IKZF3: variants seen among roughly 807,000 people sequenced by gnomAD.
IKZF3 encodes IKAROS family zinc finger 3, also known as zinc finger protein Aiolos.
IKZF3 carries 10 observed loss-of-function variants against 49.0 expected under a neutral mutation model. That is an observed-to-expected ratio of 0.20 (90% CI 0.13 to 0.35). The LOEUF is 0.35. Ranked by LOEUF, IKZF3 falls within the 10% of genes least tolerant of loss-of-function variation. The pLI is 1.00. For missense variants in IKZF3, 498 were observed against 664.8 expected (o/e 0.75, Z 2.76); for synonymous variants, 209 against 228.2 (o/e 0.92, Z 0.76).
At chr17:39,832,040 C>T (rs8069893) in intron 2 of IKZF3, 58 bp downstream of exon 2, 46,252 of 1,271,892 alleles carry the variant, frequency 0.036, 1,259 homozygotes, top group African/African-American at 0.13. Context: ...ACATTCCTCT[C>T]TCTTTGGTAT....
At chr17:39,844,133 A>G (rs2062559943) in intron 1 of IKZF3, among the ~76,000 whole-genome samples, 1 of 152,190 alleles carries the variant, frequency 6.6e-6, no homozygotes. Flanking sequence ...GATGGGGTCT[A>G]CTGTGGTCTT....
In IKZF3 at chr17:39,791,399, T is replaced by C. The variant is rs1431884861; in HGVS notation, c.592+17A>G. 1 of 1,612,896 alleles carries C rather than the reference T, an allele frequency of 6.2e-7. No homozygotes were observed. The highest frequency in any genetic ancestry group is 1.7e-5 in the Admixed American group (1 of 60,008). On this transcript the variant is annotated intron_variant, in intron 5 of 7. Coordinates refer to ENST00000346872, the MANE Select transcript of IKZF3 (RefSeq NM_012481.5). ...AATGCACTTCCTAGACAAGGAATGCTCATTTCTCTCACTTACCAGAATGTG... is the reference window on the plus strand; with the variant it reads ...AATGCACTTCCTAGACAAGGAATGCCCATTTCTCTCACTTACCAGAATGTG...
chr17:39,771,730 T>C (rs1488749818), intron 7 of IKZF3, among the ~76,000 whole-genome samples: 1 of 151,912 alleles, frequency 6.6e-6, no homozygotes, highest in Non-Finnish European at 1.5e-5. Flanking sequence ...ATGTGGACAA[T>C]GTGTGCTTCT....
intron 3 of IKZF3, among the ~76,000 whole-genome samples, chr17:39,802,245 AAG>A (rs1428806235): frequency 3.3e-5 from 5 of 149,448 alleles, no homozygotes; most frequent in Admixed American, 6.7e-5. Flanking sequence ...AAAAAAAAAA[AAG>A]AGAGATGAAA....
chr17:39,829,255 A>T (rs901377823), intron 3 of IKZF3, 132 bp downstream of exon 3: 3 of 598,084 alleles, frequency 5.0e-6, no homozygotes, highest in Non-Finnish European at 8.8e-6. Context: ...ATATTTGTGA[A>T]ATTAACAAAA....
intron 3 of IKZF3, among the ~76,000 whole-genome samples, chr17:39,823,754 G>A (rs2061876420): frequency 6.6e-6 from 1 of 152,234 alleles, no homozygotes; most frequent in South Asian, 2.1e-4. Flanking sequence ...TCCATGTGAT[G>A]TTGAGCCTAT....
chr17:39,860,361 A>G (rs572014183), intron 1 of IKZF3, among the ~76,000 whole-genome samples: 2 of 152,312 alleles, frequency 1.3e-5, no homozygotes, highest in South Asian at 2.1e-4. Context: ...GTTTATAACA[A>G]TGTATTTTTA....
At chr17:39,774,307 T>C (rs1412309431) in intron 7 of IKZF3, among the ~76,000 whole-genome samples, 2 of 151,628 alleles carry the variant, frequency 1.3e-5, no homozygotes, top group Non-Finnish European at 2.9e-5. Context: ...CCCTGGCAGC[T>C]GAATCTTCAA....
At chr17:39,855,600 G>A (rs1951513414) in intron 1 of IKZF3, among the ~76,000 whole-genome samples, 1 of 152,048 alleles carries the variant, frequency 6.6e-6, no homozygotes, top group Admixed American at 6.6e-5. Flanking sequence ...TATGCTATTG[G>A]CTTGGCACAC....
chr17:39,839,595 T>TTTTTTTTA (rs2062405653), intron 1 of IKZF3: 2 of 424,620 alleles, frequency 4.7e-6, no homozygotes, highest in Admixed American at 3.5e-5. Context: ...TTTATTTTTA[T>TTTTTTTTA]TTTTTTTAGA....
At chr17:39,773,998 A>G (rs2060511045) in intron 7 of IKZF3, among the ~76,000 whole-genome samples, 1 of 152,112 alleles carries the variant, frequency 6.6e-6, no homozygotes, top group Admixed American at 6.5e-5. Context: ...TTGGAGAATT[A>G]GAAAAAAAAA....
rs142228424 is a variant in IKZF3, at chr17:39,789,626, G to A, written c.593-1252C>T. 2.1e-3 allele frequency among the ~76,000 whole-genome samples: 318 copies of A among 152,160 alleles called. 1 individual carries two copies. Among genetic ancestry groups the A allele is most frequent in the Non-Finnish European group, 1.7e-3 (118 of 67,988 alleles). On this transcript the variant is annotated intron_variant, in intron 5 of 7. Coordinates refer to ENST00000346872, the MANE Select transcript of IKZF3 (RefSeq NM_012481.5). The stretch of plus-strand genomic sequence containing the variant: ...ATCTATAATCCCAGCTACTAGGGAG[G>A]CTGAGGCAGGAGAATCGCTTGAACC...
At chr17:39,804,318 C>T (rs376571661) in intron 3 of IKZF3, among the ~76,000 whole-genome samples, 1 of 152,036 alleles carries the variant, frequency 6.6e-6, no homozygotes, top group Admixed American at 6.5e-5. Context: ...CATAGTGGCA[C>T]GCGCCTGTAA....
intron 1 of IKZF3, among the ~76,000 whole-genome samples, chr17:39,838,342 T>G (rs2062363081): frequency 1.3e-5 from 2 of 152,210 alleles, no homozygotes; most frequent in Admixed American, 1.3e-4. Context: ...AAGGAATAAT[T>G]TCTATTTTCA....
At chr17:39,774,405 C>T (rs1177977577) in intron 7 of IKZF3, among the ~76,000 whole-genome samples, 1 of 151,702 alleles carries the variant, frequency 6.6e-6, no homozygotes, top group African/African-American at 2.4e-5. Flanking sequence ...GGGGAGGGAA[C>T]AAGAGGACAA....
intron 1 of IKZF3, among the ~76,000 whole-genome samples, chr17:39,860,802 A>G (rs2144600080): frequency 6.6e-6 from 1 of 152,348 alleles, no homozygotes; most frequent in African/African-American, 2.4e-5. Flanking sequence ...CAGGATCAAT[A>G]GAAGCCCAAT....
At chr17:39,778,327 G>A (rs933534496) in intron 6 of IKZF3, 11 of 231,994 alleles carry the variant, frequency 4.7e-5, no homozygotes, top group South Asian at 1.6e-4. Flanking sequence ...TTTTCAGCAC[G>A]CTCCTCTCAG....
At chr17:39,833,759 G>A (rs570149376) in intron 1 of IKZF3, among the ~76,000 whole-genome samples, 98 of 152,088 alleles carry the variant, frequency 6.4e-4, no homozygotes, top group Non-Finnish European at 5.3e-4. Flanking sequence ...TTAAATTTTA[G>A]AGTAGTTTTA....
chr17:39,794,865 A>G (rs752079335), intron 3 of IKZF3, among the ~76,000 whole-genome samples: 8 of 152,162 alleles, frequency 5.3e-5, no homozygotes, highest in East Asian at 1.9e-4. Flanking sequence ...CCATCACTCC[A>G]GCTGTGGGTA....
Sources: gnomAD v4.1 joint callset for allele counts (sites outside exome capture counted in the v4.1 genomes callset) on GRCh38, gnomAD v4.1.1 for gene constraint, MANE v1.5 for transcripts, NCBI Gene and HGNC (gene_info 2026-07-23, HGNC 2026-07-21) for gene names.